The following RTN1 variants were observed in gnomAD, a reference collection of about 807,000 sequenced individuals.
The protein encoded by RTN1 is reticulon-1.
RTN1 carries 25 observed loss-of-function variants against 65.5 expected under a neutral mutation model. The ratio of observed to expected loss-of-function variants is 0.38; its 90% CI spans 0.28 to 0.53. RTN1 has a LOEUF of 0.53. Among genes scored for constraint, RTN1 ranks in the 20% least tolerant of loss-of-function variants. The pLI is 0.79. For synonymous variants in RTN1, 471 were observed against 447.6 expected, an observed-to-expected ratio of 1.05 and a Z score of -0.66; for missense variants, 983 against 1,025.4, an observed-to-expected ratio of 0.96 and a Z score of 0.57.
intron 3 of RTN1, among the ~76,000 whole-genome samples, chr14:59,615,244 G>A (rs1882069818): frequency 6.6e-6 from 1 of 152,176 alleles, no homozygotes; most frequent in South Asian, 2.1e-4. Flanking sequence ...GAGGTCAGGA[G>A]TTCGAGACCA....
intron 1 of RTN1, among the ~76,000 whole-genome samples, chr14:59,812,977 C>CA (rs1347636662): frequency 2.6e-5 from 4 of 151,766 alleles, no homozygotes; most frequent in Admixed American, 2.0e-4. Context: ...TTTTCTTTTA[C>CA]AAAAAAAGAC....
chr14:59,675,766 A>G (rs904821936), intron 3 of RTN1, among the ~76,000 whole-genome samples: 92 of 152,210 alleles, frequency 6.0e-4, no homozygotes, highest in Non-Finnish European at 1.5e-4. Flanking sequence ...GATCCCAGCC[A>G]GATTATTTTT....
intron 1 of RTN1, among the ~76,000 whole-genome samples, chr14:59,853,634 T>C (rs1887549098): frequency 6.6e-6 from 1 of 152,030 alleles, no homozygotes; most frequent in Admixed American, 6.5e-5. Flanking sequence ...TATTCCCAGC[T>C]CTCTCCTACT....
chr14:59,714,115 A>G (rs1464233702), intron 3 of RTN1, among the ~76,000 whole-genome samples: 2 of 152,022 alleles, frequency 1.3e-5, no homozygotes, highest in African/African-American at 4.8e-5. Flanking sequence ...GGCGCCTGTA[A>G]TCCCTGATAC....
At chr14:59,691,525 T>C (rs1026894799) in intron 3 of RTN1, among the ~76,000 whole-genome samples, 1 of 152,144 alleles carries the variant, frequency 6.6e-6, no homozygotes, top group Non-Finnish European at 1.5e-5. Flanking sequence ...CTGGTACCAA[T>C]TCTACTGAAA....
chr14:59,817,566 C>G (rs1463324431), intron 1 of RTN1, among the ~76,000 whole-genome samples: 1 of 151,706 alleles, frequency 6.6e-6, no homozygotes, highest in African/African-American at 2.4e-5. Flanking sequence ...TCCACCACTT[C>G]TTTATTAATG....
intron 1 of RTN1, among the ~76,000 whole-genome samples, chr14:59,749,652 T>C (rs573085422): frequency 0.035 from 1,465 of 42,256 alleles, 108 homozygotes; most frequent in African/African-American, 0.18. Context: ...TATATATTTA[T>C]ATAGATATCT....
At position 59,596,005 on chromosome 14, in the gene RTN1, T is replaced by G. The variant is rs1440737111; in HGVS notation, c.*740A>C. On this transcript the variant is annotated 3_prime_UTR_variant, in exon 9 of 9. Transcript: ENST00000267484. The stretch of plus-strand genomic sequence containing the variant: ...TTCTACATTTAGTAACATTTATTTA[T>G]GCATTCAGTATCAAGTACATAAGTG... The G allele has an allele frequency of 6.6e-6, 1 of 152,664 alleles. No homozygotes were observed. The highest frequency in any genetic ancestry group is 1.5e-5 in the Non-Finnish European group (1 of 68,044). The allele number at this position is 152,664 out of a possible 1,614,324, so 9.5% of individuals were successfully genotyped here. A position where few individuals can be genotyped will look rare whatever the true frequency, so the allele number is the denominator to read the frequency against.
chr14:59,724,733 A>G (rs1396697621), intron 3 of RTN1, among the ~76,000 whole-genome samples: 1 of 152,030 alleles, frequency 6.6e-6, no homozygotes, highest in Non-Finnish European at 1.5e-5. Flanking sequence ...ACGAAAAAAA[A>G]AAAAAACAGC....
intron 3 of RTN1, among the ~76,000 whole-genome samples, chr14:59,617,268 T>C (rs1036715823): frequency 6.6e-6 from 1 of 152,236 alleles, no homozygotes; most frequent in Non-Finnish European, 1.5e-5. Flanking sequence ...AGAATGTCAC[T>C]TTATAACAGG....
intron 1 of RTN1, among the ~76,000 whole-genome samples, chr14:59,860,747 A>G (rs1425630038): frequency 6.6e-6 from 1 of 152,162 alleles, no homozygotes; most frequent in Non-Finnish European, 1.5e-5. Context: ...TGGTTGCCCA[A>G]GATCATGGGA....
chr14:59,822,465 T>G (rs7142447), intron 1 of RTN1, among the ~76,000 whole-genome samples: 23,854 of 152,248 alleles, frequency 0.16, 2,269 homozygotes, highest in South Asian at 0.27. Context: ...AACAAACATG[T>G]AGTTTCACTG....
At chr14:59,788,875 G>T (rs1886298372) in intron 1 of RTN1, among the ~76,000 whole-genome samples, 1 of 151,994 alleles carries the variant, frequency 6.6e-6, no homozygotes, top group African/African-American at 2.4e-5. Flanking sequence ...AGGATGCATT[G>T]ATTTCAGTTG....
At chr14:59,671,423 G>A (rs1033626971) in intron 3 of RTN1, among the ~76,000 whole-genome samples, 1 of 152,094 alleles carries the variant, frequency 6.6e-6, no homozygotes, top group Non-Finnish European at 1.5e-5. Flanking sequence ...AAAGAGCAGA[G>A]AAAAACATTC....
At chr14:59,801,327 A>C (rs1886542006) in intron 1 of RTN1, among the ~76,000 whole-genome samples, 5 of 152,212 alleles carry the variant, frequency 3.3e-5, no homozygotes, top group Admixed American at 3.3e-4. Flanking sequence ...TGAGAACTAA[A>C]GACATAGACA....
chr14:59,632,573 C>T (rs1238770170), intron 3 of RTN1, among the ~76,000 whole-genome samples: 1 of 58,134 alleles, frequency 1.7e-5, no homozygotes, highest in African/African-American at 5.8e-5. Flanking sequence ...CAATGATAGC[C>T]CCAGTTATCA....
chr14:59,811,808 T>C (rs1281447852), intron 1 of RTN1, among the ~76,000 whole-genome samples: 1 of 152,198 alleles, frequency 6.6e-6, no homozygotes, highest in Non-Finnish European at 1.5e-5. Flanking sequence ...TCCAAAGAGC[T>C]ACATTACGTG....
At chr14:59,610,944 G>A (rs1434361623) in intron 3 of RTN1, among the ~76,000 whole-genome samples, 1 of 152,116 alleles carries the variant, frequency 6.6e-6, no homozygotes, top group Non-Finnish European at 1.5e-5. Context: ...CTGAGCACAA[G>A]AAGACTGCTT....
At chr14:59,826,589 G>T (rs570616527) in intron 1 of RTN1, among the ~76,000 whole-genome samples, 1 of 152,184 alleles carries the variant, frequency 6.6e-6, no homozygotes, top group African/African-American at 2.4e-5. Context: ...CTATGAGAAA[G>T]ACAAAGATCG....
Sources: gnomAD v4.1 joint callset for allele counts (sites outside exome capture counted in the v4.1 genomes callset) on GRCh38, gnomAD v4.1.1 for gene constraint, MANE v1.5 for transcripts, NCBI Gene and HGNC (gene_info 2026-07-23, HGNC 2026-07-21) for gene names.